CCDC149: variants seen among roughly 807,000 people sequenced by gnomAD.
CCDC149 encodes the protein coiled-coil domain containing 149.
Under a neutral mutation model 59.9 loss-of-function variants are expected in CCDC149, and 45 were observed. The ratio of observed to expected loss-of-function variants is 0.75; its 90% CI spans 0.59 to 0.96. The LOEUF (loss-of-function observed/expected upper bound fraction) is 0.96, where lower values mean the gene tolerates loss of function less well. CCDC149 is among the 40% of genes least tolerant of loss of function. The pLI is 0.00. For missense variants in CCDC149, 584 were observed against 664.7 expected (o/e 0.88, Z 1.33); for synonymous variants, 245 against 260.6 (o/e 0.94, Z 0.58).
intron 1 of CCDC149, among the ~76,000 whole-genome samples, chr4:24,906,478 T>A (rs1038787194): frequency 3.3e-5 from 5 of 151,600 alleles, no homozygotes; most frequent in Non-Finnish European, 5.9e-5. Context: ...CTTGGCTCAC[T>A]GCAACCACTG....
intron 9 of CCDC149, chr4:24,828,221 T>C (rs1264826960): frequency 6.8e-6 from 1 of 146,572 alleles, no homozygotes; most frequent in Admixed American, 6.9e-5. Context: ...AAAATCAAGA[T>C]GCAGAATAAT....
intron 1 of CCDC149, among the ~76,000 whole-genome samples, chr4:24,972,971 G>A (rs1002922175): frequency 6.6e-6 from 1 of 152,118 alleles, no homozygotes; most frequent in Non-Finnish European, 1.5e-5. Context: ...GCCTGTAAGG[G>A]TGGGCACCCA....
chr4:24,899,616 A>G (rs1721043444), intron 1 of CCDC149, among the ~76,000 whole-genome samples: 1 of 152,112 alleles, frequency 6.6e-6, no homozygotes, highest in African/African-American at 2.4e-5. Context: ...AAAGTGGATA[A>G]GGGCAAAGGG....
downstream of CCDC149, among the ~76,000 whole-genome samples, chr4:24,804,730 G>A (rs1037694785): frequency 1.3e-5 from 2 of 152,072 alleles, no homozygotes; most frequent in African/African-American, 2.4e-5. Context: ...AAAGGCTCCC[G>A]GTAGGAATAA....
chr4:24,916,234 T>G (rs1427855985), upstream of CCDC149, among the ~76,000 whole-genome samples: 1 of 152,210 alleles, frequency 6.6e-6, no homozygotes, highest in East Asian at 1.9e-4. Context: ...TTTTATTGAT[T>G]TATTTATGTG....
chr4:24,961,630 G>C (rs1366409524), intron 1 of CCDC149, among the ~76,000 whole-genome samples: 1 of 152,152 alleles, frequency 6.6e-6, no homozygotes, highest in Non-Finnish European at 1.5e-5. Context: ...CAATGGAACA[G>C]AACAGAGCCC....
At chr4:24,967,434 C>T (rs560211459) in intron 1 of CCDC149, among the ~76,000 whole-genome samples, 5 of 152,156 alleles carry the variant, frequency 3.3e-5, no homozygotes, top group Admixed American at 2.6e-4. Flanking sequence ...AAAGTAACAC[C>T]CCCTTCGCAT....
At chr4:24,939,083 G>A (rs7340798) in intron 1 of CCDC149, among the ~76,000 whole-genome samples, 31,561 of 152,198 alleles carry the variant, frequency 0.21, 4,394 homozygotes, top group African/African-American at 0.4. Context: ...TCTGAGAACG[G>A]GCAGACTGCC....
intron 1 of CCDC149, among the ~76,000 whole-genome samples, chr4:24,969,739 G>A (rs762289971): frequency 2.6e-5 from 4 of 152,184 alleles, no homozygotes; most frequent in East Asian, 1.9e-4. Flanking sequence ...GGGGACGAAT[G>A]GTAACCTGCT....
intron 3 of CCDC149, among the ~76,000 whole-genome samples, chr4:24,871,219 T>A (rs768444022): frequency 1.2e-4 from 18 of 151,630 alleles, no homozygotes; most frequent in Non-Finnish European, 2.1e-4. Flanking sequence ...TGGGTAACCA[T>A]AGGACTGAGT....
upstream of CCDC149, among the ~76,000 whole-genome samples, chr4:24,915,535 C>G (rs1338876478): frequency 1.3e-5 from 2 of 152,254 alleles, no homozygotes; most frequent in Non-Finnish European, 1.5e-5. Context: ...TTTAAGACCA[C>G]TCTCCCTGTG....
intron 1 of CCDC149, among the ~76,000 whole-genome samples, chr4:24,889,324 G>T (rs16876329): frequency 6.6e-6 from 1 of 152,058 alleles, no homozygotes; most frequent in Non-Finnish European, 1.5e-5. Flanking sequence ...AAACGGGCTA[G>T]GAAACCACCT....
intron 1 of CCDC149, among the ~76,000 whole-genome samples, chr4:24,940,737 G>C (rs971074192): frequency 6.6e-6 from 1 of 152,154 alleles, no homozygotes; most frequent in African/African-American, 2.4e-5. Context: ...AAAGGCAGGG[G>C]TTGTAATTCT....
At chr4:24,950,696 G>A (rs1013026157) in intron 1 of CCDC149, among the ~76,000 whole-genome samples, 3 of 152,146 alleles carry the variant, frequency 2.0e-5, no homozygotes, top group South Asian at 2.1e-4. Flanking sequence ...GGCAGTGGAG[G>A]GTAATAACAA....
rs1332130898 is a variant in CCDC149, at chr4:24,858,978, A to G, written c.265-5799T>C. ...TATCACCGTTCCAATTCCCCTACAA[A>G]TGCCGCAAAATATGTCAGAATGGTT... On this transcript the variant is annotated intron_variant, in intron 3 of 12. Transcript: ENST00000635206. Among the ~76,000 whole-genome samples, 32 of 152,170 alleles carry G rather than the reference A, an allele frequency of 2.1e-4. 1 individual carries two copies. The highest frequency in any genetic ancestry group is 9.8e-4 in the Admixed American group (15 of 15,288).
intron 4 of CCDC149, among the ~76,000 whole-genome samples, chr4:24,844,017 C>G (rs1328297042): frequency 1.3e-5 from 2 of 152,124 alleles, no homozygotes; most frequent in African/African-American, 2.4e-5. Flanking sequence ...TGTCCAGAAC[C>G]CGCTTCTTTT....
At position 24,836,475 on chromosome 4, in the gene CCDC149, T is replaced by C. The variant is rs753427361; in HGVS notation, c.696A>G (p.Glu232=). The C allele has an allele frequency of 5.6e-6, 9 of 1,612,864 alleles. No homozygotes were observed. In the Admixed American group the frequency reaches 1.2e-4, roughly 21 times the overall value. ...TGTTTGATTTCAAGAGGTTGACCTC[T>C]TCATGGAGTTGCTTTAATCTCTCTT... Residue 232 remains glutamate (E), a synonymous_variant, in exon 7 of 13, where the codon GAA becomes GAG. Transcript: ENST00000635206.
chr4:24,871,573 A>C (rs2041463230), intron 3 of CCDC149, among the ~76,000 whole-genome samples: 1 of 152,216 alleles, frequency 6.6e-6, no homozygotes, highest in East Asian at 1.9e-4. Flanking sequence ...AGTTAAGGAA[A>C]GTTCTAACAA....
intron 1 of CCDC149, among the ~76,000 whole-genome samples, chr4:24,879,531 A>G (rs1190293382): frequency 6.6e-6 from 1 of 150,634 alleles, no homozygotes; most frequent in East Asian, 2.0e-4. Context: ...AAAAAAAAAA[A>G]AAAATTAGCT....
Sources: allele counts gnomAD v4.1 joint callset (sites outside exome capture counted in the v4.1 genomes callset), GRCh38; gene constraint gnomAD v4.1.1; transcripts MANE v1.5; gene names NCBI Gene and HGNC (gene_info 2026-07-23, HGNC 2026-07-21).